TMPRSS15: variants seen among roughly 807,000 people sequenced by gnomAD.
TMPRSS15 encodes the protein enteropeptidase.
TMPRSS15 carries 128 observed loss-of-function variants against 125.3 expected under a neutral mutation model. That is an observed-to-expected ratio of 1.02 (90% confidence interval 0.89 to 1.18). TMPRSS15 has a LOEUF of 1.18. Ranked by LOEUF, TMPRSS15 falls within the 50% of genes most tolerant of loss-of-function variation. The pLI is 0.00. For synonymous variants in TMPRSS15, 446 were observed against 423.2 expected (o/e 1.05, Z -0.66); for missense variants, 1,283 against 1,212.7 (o/e 1.06, Z -0.86).
chr21:18,325,707 T>C (rs2146960215), intron 16 of TMPRSS15, among the ~76,000 whole-genome samples: 1 of 152,180 alleles, frequency 6.6e-6, no homozygotes, highest in East Asian at 1.9e-4. Flanking sequence ...CGGGCAGTTC[T>C]ATGAGACAAT....
chr21:18,318,592 T>C (rs2146948230), intron 16 of TMPRSS15, among the ~76,000 whole-genome samples: 1 of 152,314 alleles, frequency 6.6e-6, no homozygotes, highest in Admixed American at 6.5e-5. Context: ...AATTAGATGA[T>C]ATAAAAGTGT....
chr21:18,336,131 G>T (rs889186143), intron 13 of TMPRSS15, among the ~76,000 whole-genome samples: 1 of 152,014 alleles, frequency 6.6e-6, no homozygotes, highest in African/African-American at 2.4e-5. Flanking sequence ...TCTGATGTCC[G>T]TGAAATGTGT....
intron 1 of TMPRSS15, among the ~76,000 whole-genome samples, chr21:18,398,797 G>T (rs1601440346): frequency 6.6e-6 from 1 of 152,174 alleles, no homozygotes; most frequent in East Asian, 1.9e-4. Context: ...TTCCTGTGAA[G>T]ATTTCAGTGT....
intron 3 of TMPRSS15, among the ~76,000 whole-genome samples, chr21:18,384,394 G>C (rs760732179): frequency 6.6e-6 from 1 of 152,082 alleles, no homozygotes; most frequent in Non-Finnish European, 1.5e-5. Context: ...TTCAATCTCA[G>C]GTCCATGAGT....
At position 18,381,037 on chromosome 21, in the gene TMPRSS15, A is replaced by G. The variant is rs1325622364; in HGVS notation, c.497-1719T>C. Reference sequence around the variant, plus strand: ...TATATAAGTAAAAAGTGCTTTGCACATAGAAGACAAAAGCTGGCAATTTTC... The same window carrying G: ...TATATAAGTAAAAAGTGCTTTGCACGTAGAAGACAAAAGCTGGCAATTTTC... On this transcript the variant is annotated intron_variant, in intron 4 of 24. Transcript: ENST00000284885. Among the ~76,000 whole-genome samples, 8 of 152,292 alleles carry G rather than the reference A, an allele frequency of 5.3e-5. No individual in the cohort carries two copies. The East Asian group carries it at 1.5e-3, about 29-fold the overall frequency.
At position 18,329,286 on chromosome 21, in the gene TMPRSS15, T is replaced by C; in HGVS notation, c.1663A>G (p.Ile555Val). The C allele has an allele frequency of 4.3e-6, 7 of 1,609,806 alleles. No homozygotes were observed. Among genetic ancestry groups the C allele is most frequent in the Non-Finnish European group, 5.9e-6 (7 of 1,177,630 alleles). The stretch of plus-strand genomic sequence containing the variant: ...TTCTTTCCTTTTTGTGCATTTAAAA[T>C]CCAAACACCTAAAAAGTAAGAAGTA... ...SYPNLAFCVW[I>V]LNAQKGKNIQ... The change falls in exon 15 of 25, where the codon ATT becomes GTT. Residue 555 changes from isoleucine (I) to valine (V), a missense_variant. Coordinates refer to ENST00000284885, the MANE Select transcript of TMPRSS15 (RefSeq NM_002772.3).
chr21:18,371,182 A>G (rs946790951), intron 6 of TMPRSS15, among the ~76,000 whole-genome samples: 4 of 152,148 alleles, frequency 2.6e-5, no homozygotes, highest in Middle Eastern at 6.3e-3. Flanking sequence ...CACCTACCAT[A>G]GGAGATTAAC....
intron 19 of TMPRSS15, among the ~76,000 whole-genome samples, chr21:18,297,156 G>A (rs940273741): frequency 3.3e-5 from 5 of 152,194 alleles, no homozygotes; most frequent in Non-Finnish European, 7.4e-5. Context: ...ACAGATCTTT[G>A]AATACAGGAA....
intron 1 of TMPRSS15, among the ~76,000 whole-genome samples, chr21:18,472,365 A>G (rs1418148087): frequency 6.6e-6 from 1 of 151,680 alleles, no homozygotes; most frequent in African/African-American, 2.4e-5. Context: ...CTTTTAGCCT[A>G]TGGGGTTCAA....
chr21:18,287,365 C>T (rs1011927846), intron 21 of TMPRSS15, among the ~76,000 whole-genome samples: 1 of 152,164 alleles, frequency 6.6e-6, no homozygotes, highest in Non-Finnish European at 1.5e-5. Flanking sequence ...ATTTCACTCT[C>T]TGTTCTTCCT....
chr21:18,310,704 G>GA (rs535550602), intron 18 of TMPRSS15, among the ~76,000 whole-genome samples: 7 of 151,736 alleles, frequency 4.6e-5, no homozygotes, highest in Admixed American at 1.3e-4. Flanking sequence ...CACAGGAATA[G>GA]AAAAAAAATC....
At chr21:18,428,284 G>A (rs1251532392) in intron 1 of TMPRSS15, among the ~76,000 whole-genome samples, 2 of 152,136 alleles carry the variant, frequency 1.3e-5, no homozygotes, top group Admixed American at 6.5e-5. Flanking sequence ...GTTTCATAAG[G>A]GAAGCTGAGC....
chr21:18,382,827 A>T (rs2075904847), intron 4 of TMPRSS15, among the ~76,000 whole-genome samples: 1 of 152,168 alleles, frequency 6.6e-6, no homozygotes, highest in Non-Finnish European at 1.5e-5. Context: ...GTGTTTGTTG[A>T]ATTGAATTGA....
intron 24 of TMPRSS15, among the ~76,000 whole-genome samples, chr21:18,273,150 T>A (rs1162781435): frequency 1.3e-5 from 2 of 152,130 alleles, no homozygotes; most frequent in East Asian, 3.9e-4. Context: ...GTCACTAAAT[T>A]TTAGGTAGAG....
intron 14 of TMPRSS15, 47 bp from the exon 15 acceptor site, chr21:18,329,341 T>G (rs776990442): frequency 6.3e-7 from 1 of 1,583,790 alleles, no homozygotes; most frequent in East Asian, 2.3e-5. Context: ...CTTGGTGATT[T>G]CTCTTAAAAG....
chr21:18,315,746 T>A (rs1349357016), intron 16 of TMPRSS15, among the ~76,000 whole-genome samples: 1 of 102,004 alleles, frequency 9.8e-6, no homozygotes, highest in Non-Finnish European at 2.0e-5. Context: ...ACTGAGTAAA[T>A]GACGAGTTAG....
intron 1 of TMPRSS15, among the ~76,000 whole-genome samples, chr21:18,485,031 C>T (rs1365739839): frequency 6.6e-6 from 1 of 151,494 alleles, no homozygotes; most frequent in African/African-American, 2.4e-5. Flanking sequence ...GAGTTAAGTC[C>T]TTTATTTTTG....
intron 14 of TMPRSS15, 52 bp downstream of exon 14, chr21:18,332,032 T>C (rs1305349281): frequency 6.6e-7 from 1 of 1,511,374 alleles, no homozygotes; most frequent in Non-Finnish European, 9.2e-7. Context: ...AGGGGAGATC[T>C]ACATTTCATA....
rs541997193 is a variant in TMPRSS15 at position 18,271,229 on chromosome 21, T to G, written c.2905-1105A>C. On this transcript the variant is annotated intron_variant, in intron 24 of 24. Coordinates refer to ENST00000284885, the MANE Select transcript of TMPRSS15 (RefSeq NM_002772.3). ...ATCCCAAACCCTTAATCTGTAATTATAGGTTCTGAAATATTTATGGAACAG... is the reference window on the plus strand; with the variant it reads ...ATCCCAAACCCTTAATCTGTAATTAGAGGTTCTGAAATATTTATGGAACAG... Among the ~76,000 whole-genome samples the G allele has an allele frequency of 2.6e-5, 4 of 152,244 alleles. No individual in the cohort carries two copies. The East Asian group carries it at 7.7e-4, about 29-fold the overall frequency.
Sources: allele counts gnomAD v4.1 joint callset (sites outside exome capture counted in the v4.1 genomes callset), GRCh38; gene constraint gnomAD v4.1.1; transcripts MANE v1.5; gene names NCBI Gene and HGNC (gene_info 2026-07-23, HGNC 2026-07-21).